GRM1: variants seen among roughly 807,000 people sequenced by gnomAD.
The protein encoded by GRM1 is glutamate metabotropic receptor 1.
In GRM1, 33 loss-of-function variants were observed where a neutral mutation model predicts 90.9. The ratio of observed to expected loss-of-function variants is 0.36; its 90% CI spans 0.28 to 0.49. The LOEUF (loss-of-function observed/expected upper bound fraction) is 0.49, where lower values mean the gene tolerates loss of function less well. GRM1 is among the 20% of genes least tolerant of loss of function. The pLI is 0.99. For missense variants in GRM1, 1,190 were observed against 1,534.3 expected (o/e 0.78, Z 3.75); for synonymous variants, 700 against 613.2 (o/e 1.14, Z -2.09).
At chr6:146,415,824 G>C (rs1406144811) in intron 7 of GRM1, among the ~76,000 whole-genome samples, 1 of 152,138 alleles carries the variant, frequency 6.6e-6, no homozygotes, top group Non-Finnish European at 1.5e-5. Context: ...TCACAAATAA[G>C]CATTGAATTT....
chr6:146,149,029 C>A (rs1777218298), intron 1 of GRM1, among the ~76,000 whole-genome samples: 1 of 152,084 alleles, frequency 6.6e-6, no homozygotes, highest in South Asian at 2.1e-4. Context: ...TATTTTTATA[C>A]CACTTAGATT....
At chr6:146,382,960 T>A (rs548279391) in intron 5 of GRM1, among the ~76,000 whole-genome samples, 1 of 152,202 alleles carries the variant, frequency 6.6e-6, no homozygotes, top group East Asian at 1.9e-4. Flanking sequence ...GCATGGTATA[T>A]AAGTCCCTAG....
At chr6:146,300,551 G>T (rs1336940960) in intron 2 of GRM1, among the ~76,000 whole-genome samples, 9 of 152,218 alleles carry the variant, frequency 5.9e-5, no homozygotes, top group Admixed American at 5.9e-4. Context: ...TCGTATGTTA[G>T]TGAGAAATAC....
chr6:146,322,939 T>C (rs1784253217), intron 3 of GRM1, among the ~76,000 whole-genome samples: 1 of 152,066 alleles, frequency 6.6e-6, no homozygotes, highest in Admixed American at 6.6e-5. Flanking sequence ...AACTCATCAT[T>C]TTTTATGGCT....
chr6:146,338,361 A>G (rs1385512339), intron 3 of GRM1, among the ~76,000 whole-genome samples: 1 of 152,186 alleles, frequency 6.6e-6, no homozygotes, highest in Non-Finnish European at 1.5e-5. Flanking sequence ...CAGCCCCAAC[A>G]AGTCCTCTAT....
chr6:146,205,899 G>T (rs954278539), intron 2 of GRM1, among the ~76,000 whole-genome samples: 1 of 152,130 alleles, frequency 6.6e-6, no homozygotes, highest in African/African-American at 2.4e-5. Flanking sequence ...GCAGGCATGT[G>T]CAGAGTCACA....
At chr6:146,384,271 G>A (rs566175246) in intron 5 of GRM1, among the ~76,000 whole-genome samples, 8 of 152,186 alleles carry the variant, frequency 5.3e-5, no homozygotes, top group East Asian at 3.9e-4. Flanking sequence ...TTTTGAGTCC[G>A]AGTAAGGAAC....
intron 1 of GRM1, among the ~76,000 whole-genome samples, chr6:146,058,663 A>C (rs1478214055): frequency 6.6e-6 from 1 of 152,006 alleles, no homozygotes; most frequent in African/African-American, 2.4e-5. Flanking sequence ...TCTGTAGCAT[A>C]CCATGCTGTT....
chr6:146,265,143 C>T (rs1166017014), intron 2 of GRM1, among the ~76,000 whole-genome samples: 1 of 152,154 alleles, frequency 6.6e-6, no homozygotes, highest in Non-Finnish European at 1.5e-5. Flanking sequence ...AATTTACATT[C>T]CCACCAACAG....
At chr6:146,396,518 A>G (rs1776942517) in intron 6 of GRM1, among the ~76,000 whole-genome samples, 1 of 152,180 alleles carries the variant, frequency 6.6e-6, no homozygotes, top group Non-Finnish European at 1.5e-5. Context: ...TGGATTGGAC[A>G]CTTCTTAGGC....
intron 1 of GRM1, among the ~76,000 whole-genome samples, chr6:146,139,944 GCCCTC>G (rs1363428540): frequency 3.2e-5 from 1 of 30,880 alleles, no homozygotes; most frequent in Non-Finnish European, 5.3e-5. Flanking sequence ...CCCTTCCCCT[GCCCTC>G]CCCTCCCCTT....
chr6:146,329,331 G>C (rs1583333952), intron 3 of GRM1, among the ~76,000 whole-genome samples: 1 of 152,126 alleles, frequency 6.6e-6, no homozygotes, highest in African/African-American at 2.4e-5. Flanking sequence ...TACTATTTCA[G>C]ATGGGGCACC....
At chr6:146,089,880 A>G (rs1776660638) in intron 1 of GRM1, among the ~76,000 whole-genome samples, 1 of 152,004 alleles carries the variant, frequency 6.6e-6, no homozygotes, top group Non-Finnish European at 1.5e-5. Context: ...AGTGAGTTTA[A>G]CCATTTTTTA....
intron 1 of GRM1, among the ~76,000 whole-genome samples, chr6:146,069,266 G>C (rs1463574059): frequency 1.3e-5 from 2 of 151,970 alleles, no homozygotes; most frequent in African/African-American, 4.8e-5. Context: ...TGAACTTACT[G>C]GTTATTTTGA....
At chr6:146,173,417 A>G (rs533881778) in intron 2 of GRM1, among the ~76,000 whole-genome samples, 3 of 151,292 alleles carry the variant, frequency 2.0e-5, no homozygotes, top group South Asian at 2.1e-4. Context: ...AAAGAAAAAA[A>G]AAAAGAAAAA....
intron 2 of GRM1, among the ~76,000 whole-genome samples, chr6:146,219,417 G>A (rs1779979932): frequency 6.6e-6 from 1 of 152,052 alleles, no homozygotes; most frequent in Admixed American, 6.6e-5. Flanking sequence ...GCTGAAAAAT[G>A]AAGAATGAAT....
intron 2 of GRM1, among the ~76,000 whole-genome samples, chr6:146,284,653 T>C (rs1193235052): frequency 2.6e-5 from 4 of 152,108 alleles, no homozygotes; most frequent in African/African-American, 9.7e-5. Context: ...TCCCATGACA[T>C]ATGATGGTTT....
intron 2 of GRM1, among the ~76,000 whole-genome samples, chr6:146,237,422 G>T (rs2114720545): frequency 8.1e-6 from 1 of 123,718 alleles, no homozygotes; most frequent in Non-Finnish European, 1.8e-5. Context: ...ATGTGCTTTT[G>T]TTTGTTTTTC....
intron 1 of GRM1, among the ~76,000 whole-genome samples, chr6:146,049,572 C>T (rs1427077762): frequency 6.6e-6 from 1 of 151,730 alleles, no homozygotes; most frequent in Non-Finnish European, 1.5e-5. Context: ...CCTTGGTTCT[C>T]CAGCTTGTAG....
Sources: gnomAD v4.1 joint callset for allele counts (sites outside exome capture counted in the v4.1 genomes callset) on GRCh38, gnomAD v4.1.1 for gene constraint, MANE v1.5 for transcripts, NCBI Gene and HGNC (gene_info 2026-07-23, HGNC 2026-07-21) for gene names.